The following CTCFL variants were observed in gnomAD, a reference collection of about 807,000 sequenced individuals.
CTCFL encodes transcriptional repressor CTCFL.
In CTCFL, 36 loss-of-function variants were observed where a neutral mutation model predicts 67.4. The ratio of observed to expected loss-of-function variants is 0.53; its 90% CI spans 0.41 to 0.71. CTCFL has a LOEUF of 0.71. CTCFL is among the 30% of genes least tolerant of loss of function. The probability of loss-of-function intolerance (pLI) is 0.00; values close to 1 mark genes in which losing one functional copy is unlikely to be tolerated. For missense variants in CTCFL, 786 were observed against 835.2 expected (o/e 0.94, Z 0.73); for synonymous variants, 324 against 302.3 (o/e 1.07, Z -0.75).
intron 9 of CTCFL, chr20:57,507,724 C>T: frequency 1.4e-6 from 1 of 703,026 alleles, no homozygotes; most frequent in Non-Finnish European, 2.6e-6. Context: ...ATCCTGACTG[C>T]AGCCTCAGGA....
At position 57,498,127 on chromosome 20, in the gene CTCFL, T is replaced by G. The variant is rs2067753559; in HGVS notation, c.*423A>C. On this transcript the variant is annotated 3_prime_UTR_variant, in exon 11 of 11. Coordinates refer to ENST00000243914, the MANE Select transcript of CTCFL (RefSeq NM_001386993.1). ...AATGCAACATAAAAATGTCCAGCTT[T>G]GACTGTGGAAGCACTAGCTGGTCTA... 3 of 984,738 alleles carry G rather than the reference T, an allele frequency of 3.0e-6. No individual in the cohort carries two copies. The South Asian group carries it at 1.4e-4, about 46-fold the overall frequency. The allele number at this position is 984,738 out of a possible 1,614,324, so 61.0% of individuals were successfully genotyped here. A position where few individuals can be genotyped will look rare whatever the true frequency, so the allele number is the denominator to read the frequency against.
At chr20:57,516,756 T>C (rs1259203134) in intron 5 of CTCFL, among the ~76,000 whole-genome samples, 2 of 152,244 alleles carry the variant, frequency 1.3e-5, no homozygotes, top group Non-Finnish European at 2.9e-5. Flanking sequence ...AATTAAATTC[T>C]AATTTGAGTA....
chr20:57,511,950 ATTTG>A (rs907076592), intron 8 of CTCFL, among the ~76,000 whole-genome samples: 3 of 152,328 alleles, frequency 2.0e-5, no homozygotes, highest in South Asian at 2.1e-4. Flanking sequence ...AGTAAACAGA[ATTTG>A]TTTATCTTGT....
At chr20:57,512,453 T>G in intron 8 of CTCFL, 139 bp downstream of exon 8, 1 of 799,990 alleles carries the variant, frequency 1.3e-6, no homozygotes, top group Non-Finnish European at 2.0e-6. Context: ...TGGCTCACAG[T>G]TGCTTTCTGG....
chr20:57,497,440 A>T lies in CTCFL; in HGVS notation c.*1110T>A. ...AAAAGGTCCATATCTTAAGAATTTG[A>T]ATTTAGGGCTTATCAATGATCTTGA... On this transcript the variant is annotated 3_prime_UTR_variant, in exon 11 of 11. Coordinates refer to ENST00000243914, the MANE Select transcript of CTCFL (RefSeq NM_001386993.1). 1 of 985,394 alleles carries T rather than the reference A, an allele frequency of 1.0e-6. No individual in the cohort carries two copies. The highest frequency in any genetic ancestry group is 1.7e-5 in the African/African-American group (1 of 57,346). The allele number at this position is 985,394 out of a possible 1,614,324, so 61.0% of individuals were successfully genotyped here.
intron 10 of CTCFL, among the ~76,000 whole-genome samples, chr20:57,501,737 C>T (rs1285697692): frequency 3.9e-5 from 6 of 152,152 alleles, no homozygotes; most frequent in Non-Finnish European, 7.4e-5. Flanking sequence ...GCCGGGGCAG[C>T]GGGCAGCAGA....
In CTCFL at chr20:57,498,540, C is replaced by A; in HGVS notation, c.*10G>T. On this transcript the variant is annotated 3_prime_UTR_variant, in exon 11 of 11. Transcript: ENST00000243914. ...AATTGGGGGCAGTGAACACGCAACC[C>A]GAATCCCTCTCACTTATCCATCGTG... is the stretch of plus-strand genomic sequence containing the variant. The A allele has an allele frequency of 6.2e-7, 1 of 1,607,068 alleles. No individual in the cohort carries two copies. The highest frequency in any genetic ancestry group is 1.1e-5 in the South Asian group (1 of 90,002).
rs563344440 is a variant in CTCFL at position 57,524,679 on chromosome 20, A to T, written c.-12+349T>A. The T allele has an allele frequency of 1.4e-4, 139 of 1,001,920 alleles. 1 individual carries two copies. The highest frequency in any genetic ancestry group is 1.0e-3 in the Middle Eastern group (2 of 1,948). 62.1% of individuals were successfully genotyped at this position (1,001,920 alleles called of 1,614,324 possible). A position where few individuals can be genotyped will look rare whatever the true frequency, so the allele number is the denominator to read the frequency against. ...GTCCAAGCAGGCCCCGGGCCAGTGCACACCCGGCGCCCAGCGAGGTTCGGG... is the reference window on the plus strand; with the variant it reads ...GTCCAAGCAGGCCCCGGGCCAGTGCTCACCCGGCGCCCAGCGAGGTTCGGG... On this transcript the variant is annotated intron_variant, in intron 1 of 10. Coordinates refer to ENST00000243914, the MANE Select transcript of CTCFL (RefSeq NM_001386993.1).
chr20:57,514,314 C>A (rs980260183), intron 7 of CTCFL, among the ~76,000 whole-genome samples: 2 of 152,166 alleles, frequency 1.3e-5, no homozygotes, highest in Admixed American at 6.5e-5. Flanking sequence ...GAAAAATAGG[C>A]CCAATGTGGA....
chr20:57,512,821 C>T (rs756610232), intron 7 of CTCFL, 69 bp from the exon 8 acceptor site: 1 of 1,493,458 alleles, frequency 6.7e-7, no homozygotes. Flanking sequence ...CCCCTCTCCT[C>T]TAAACCGGGG....
intron 3 of CTCFL, among the ~76,000 whole-genome samples, chr20:57,521,722 G>C (rs2069378483): frequency 1.3e-5 from 2 of 152,188 alleles, no homozygotes; most frequent in South Asian, 4.1e-4. Context: ...CCCATACAGG[G>C]ATTATTACTT....
intron 9 of CTCFL, among the ~76,000 whole-genome samples, chr20:57,504,234 C>T (rs2146300669): frequency 6.7e-6 from 1 of 150,068 alleles, no homozygotes; most frequent in East Asian, 2.0e-4. Flanking sequence ...CCTTGGCCTC[C>T]CAGAGTGCTG....
chr20:57,523,344 T>C (rs66593447), intron 2 of CTCFL, 66 bp from the exon 3 acceptor site: 1 of 1,434,342 alleles, frequency 7.0e-7, no homozygotes, highest in Admixed American at 2.0e-5. Context: ...TTTGCCTGGA[T>C]GAAGCACAGA....
rs762535644 is a variant in CTCFL, at chr20:57,519,225, G to GT, written c.906_907insA (p.His303ThrfsTer3). On this transcript the variant is annotated frameshift_variant, in exon 4 of 11. Coordinates refer to ENST00000243914, the MANE Select transcript of CTCFL (RefSeq NM_001386993.1). LOFTEE classifies it high-confidence loss of function. ...GTTTTACCTGTGTGGGTGTTAACAT[G>GT]GTTCCGCAGCAGAGTGACCGTACGG... The GT allele has an allele frequency of 1.2e-6, 2 of 1,614,170 alleles. No individual in the cohort carries two copies. Among genetic ancestry groups the GT allele is most frequent in the South Asian group, 2.2e-5 (2 of 91,084 alleles).
chr20:57,508,521 G>A, intron 9 of CTCFL, 85 bp downstream of exon 9: 1 of 1,354,524 alleles, frequency 7.4e-7, no homozygotes, highest in Non-Finnish European at 1.0e-6. Context: ...CTATAATCGG[G>A]TTTAAACTCT....
At chr20:57,512,925 G>A (rs1202090328) in intron 7 of CTCFL, among the ~76,000 whole-genome samples, 173 bp from the exon 8 acceptor site, 1 of 152,162 alleles carries the variant, frequency 6.6e-6, no homozygotes, top group Non-Finnish European at 1.5e-5. Flanking sequence ...CAGCATTCCT[G>A]GTGTCTGTCT....
chr20:57,523,040 G>A lies in CTCFL; in HGVS notation c.754+28C>T, dbSNP rs144197186. ...AAAAACAGCAGCCCAGTTTTAGGGA[G>A]TGTATTCTATGAGATGAACTGGCCT... On this transcript the variant is annotated intron_variant, in intron 3 of 10. Transcript: ENST00000243914. 1.0e-4 allele frequency: 158 copies of A among 1,576,604 alleles called. No homozygotes were observed. The African/African-American group carries it at 1.7e-3, about 17-fold the overall frequency.
rs1161853038 is a variant in CTCFL at position 57,497,978 on chromosome 20, T to C, written c.*572A>G. Reference sequence around the variant, plus strand: ...TTTATAAGAGTAAAACATTTTTTGGTTGAATTTAGAACTAATTAAAAGCAT... The same window carrying C: ...TTTATAAGAGTAAAACATTTTTTGGCTGAATTTAGAACTAATTAAAAGCAT... On this transcript the variant is annotated 3_prime_UTR_variant, in exon 11 of 11. Coordinates refer to ENST00000243914, the MANE Select transcript of CTCFL (RefSeq NM_001386993.1). 9 of 931,308 alleles carry C rather than the reference T, an allele frequency of 9.7e-6. No homozygotes were observed. Among genetic ancestry groups the C allele is most frequent in the South Asian group, 5.0e-5 (1 of 20,140 alleles). 57.7% of individuals were successfully genotyped at this position (931,308 alleles called of 1,614,324 possible).
At chr20:57,512,512 T>C in intron 8 of CTCFL, 80 bp downstream of exon 8, 2 of 1,409,512 alleles carry the variant, frequency 1.4e-6, no homozygotes, top group Non-Finnish European at 9.9e-7. Flanking sequence ...TCTCAGTATC[T>C]TCAAGGTGGT....
Sources: gnomAD v4.1 joint callset for allele counts (sites outside exome capture counted in the v4.1 genomes callset) on GRCh38, gnomAD v4.1.1 for gene constraint, MANE v1.5 for transcripts, NCBI Gene and HGNC (gene_info 2026-07-23, HGNC 2026-07-21) for gene names.